ERBB4: variants seen among roughly 807,000 people sequenced by gnomAD.
ERBB4 encodes the protein erb-b2 receptor tyrosine kinase 4, also known as receptor tyrosine-protein kinase erbB-4.
In ERBB4, 42 loss-of-function variants were observed where a neutral mutation model predicts 158.0. The observed-to-expected ratio is 0.27, with a 90% CI of 0.21 to 0.34. ERBB4 has a LOEUF of 0.34. ERBB4 is among the 10% of genes least tolerant of loss of function. ERBB4 has a pLI of 1.00. For synonymous variants in ERBB4, 583 were observed against 558.7 expected (o/e 1.04, Z -0.61); for missense variants, 1,333 against 1,624.1 (o/e 0.82, Z 3.08).
In ERBB4 at chr2:211,712,137, T is replaced by A; in HGVS notation, c.1037A>T (p.Gln346Leu). ...GTCAATGTTACTGGAATCCACAGTC[T>A]GAGCTGACATCAATGATCCTGTGCC... ...GIGTGSLMSA[Q>L]TVDSSNIDKF... The change falls in exon 9 of 28, where the codon CAG (glutamine) becomes CTG (leucine). Residue 346 changes from glutamine (Q) to leucine (L), a missense_variant. Physicochemically the swap from Gln to Leu is moderately radical, Grantham distance 113. Around this residue, in one of 5 missense-constraint regions of ERBB4, gnomAD observed 438 missense variants for 586.9 expected, o/e 0.75. Coordinates refer to ENST00000342788, the MANE Select transcript of ERBB4 (RefSeq NM_005235.3). The A allele has an allele frequency of 1.2e-6, 2 of 1,613,230 alleles. No homozygotes were observed. Among genetic ancestry groups the A allele is most frequent in the Non-Finnish European group, 1.7e-6 (2 of 1,179,232 alleles).
chr2:211,835,819 G>A (rs1272155920), intron 3 of ERBB4, among the ~76,000 whole-genome samples: 1 of 151,974 alleles, frequency 6.6e-6, no homozygotes, highest in Non-Finnish European at 1.5e-5. Context: ...AGCAAATATT[G>A]ATACAAGTGA....
At chr2:211,803,199 A>G (rs2076538857) in intron 3 of ERBB4, among the ~76,000 whole-genome samples, 2 of 152,214 alleles carry the variant, frequency 1.3e-5, no homozygotes, top group African/African-American at 2.4e-5. Context: ...CTAATCCAAC[A>G]TTGCTTTTCA....
intron 1 of ERBB4, among the ~76,000 whole-genome samples, chr2:212,346,919 C>A (rs1309811174): frequency 6.6e-6 from 1 of 152,068 alleles, no homozygotes; most frequent in East Asian, 1.9e-4. Flanking sequence ...AAATATTTTT[C>A]TAGGCACTTT....
intron 2 of ERBB4, among the ~76,000 whole-genome samples, chr2:212,063,248 T>C (rs984578777): frequency 6.6e-6 from 1 of 152,042 alleles, no homozygotes; most frequent in African/African-American, 2.4e-5. Context: ...TAGAAACAGA[T>C]GATTTAGAAC....
intron 3 of ERBB4, among the ~76,000 whole-genome samples, chr2:211,880,061 T>A (rs1428153048): frequency 6.6e-6 from 1 of 151,626 alleles, no homozygotes; most frequent in African/African-American, 2.4e-5. Context: ...TGAAAATAAT[T>A]TTCACATATT....
At chr2:212,390,245 T>A (rs1342774223) in intron 1 of ERBB4, among the ~76,000 whole-genome samples, 1 of 151,926 alleles carries the variant, frequency 6.6e-6, no homozygotes, top group Non-Finnish European at 1.5e-5. Flanking sequence ...ATTAAGGATT[T>A]GTACATTGTA....
intron 25 of ERBB4, among the ~76,000 whole-genome samples, chr2:211,419,509 TC>T (rs2063468948): frequency 6.6e-6 from 1 of 152,082 alleles, no homozygotes; most frequent in Non-Finnish European, 1.5e-5. Context: ...AGAATTATCT[TC>T]TAGAAAAAAT....
At chr2:211,714,743 G>A (rs900496513) in intron 7 of ERBB4, among the ~76,000 whole-genome samples, 1 of 152,176 alleles carries the variant, frequency 6.6e-6, no homozygotes, top group Non-Finnish European at 1.5e-5. Context: ...TGCCTATCAT[G>A]AACAGGGTTT....
chr2:212,412,995 T>A (rs1035625024), intron 1 of ERBB4, among the ~76,000 whole-genome samples: 1 of 151,960 alleles, frequency 6.6e-6, no homozygotes, highest in African/African-American at 2.4e-5. Flanking sequence ...TGAGACAGAG[T>A]CTCGTTCTGT....
At chr2:212,396,966 GAAC>G (rs2091045824) in intron 1 of ERBB4, among the ~76,000 whole-genome samples, 1 of 151,886 alleles carries the variant, frequency 6.6e-6, no homozygotes, top group Non-Finnish European at 1.5e-5. Flanking sequence ...TGTTTTCAAA[GAAC>G]AATAAATGTA....
At chr2:212,425,873 G>A (rs2091902086) in intron 1 of ERBB4, among the ~76,000 whole-genome samples, 1 of 151,776 alleles carries the variant, frequency 6.6e-6, no homozygotes, top group Admixed American at 6.6e-5. Flanking sequence ...TCATTTTGTT[G>A]TACCTATCCA....
chr2:211,843,040 C>T (rs748232883), intron 3 of ERBB4, among the ~76,000 whole-genome samples: 11 of 152,074 alleles, frequency 7.2e-5, no homozygotes, highest in Non-Finnish European at 1.3e-4. Flanking sequence ...CTCATACAGG[C>T]AAAAGCACTA....
chr2:211,689,946 T>C (rs1559422007), intron 12 of ERBB4, among the ~76,000 whole-genome samples: 1 of 151,172 alleles, frequency 6.6e-6, no homozygotes, highest in Admixed American at 6.6e-5. Context: ...TGTTTTCTTT[T>C]TTTAATATGT....
At chr2:211,992,800 G>C (rs1224989090) in intron 2 of ERBB4, among the ~76,000 whole-genome samples, 1 of 152,158 alleles carries the variant, frequency 6.6e-6, no homozygotes, top group Non-Finnish European at 1.5e-5. Context: ...GTGTTGCAGA[G>C]GAGGAGAAAC....
At chr2:211,514,219 G>C (rs1363417441) in intron 20 of ERBB4, among the ~76,000 whole-genome samples, 5 of 152,004 alleles carry the variant, frequency 3.3e-5, no homozygotes, top group Non-Finnish European at 4.4e-5. Flanking sequence ...CCACATATTA[G>C]AGCGAACACT....
chr2:212,073,355 C>A (rs1332128469), intron 2 of ERBB4, among the ~76,000 whole-genome samples: 1 of 151,880 alleles, frequency 6.6e-6, no homozygotes, highest in Non-Finnish European at 1.5e-5. Context: ...GAAGACATAG[C>A]TAGAATGGAG....
chr2:212,458,117 C>G (rs898413620), intron 1 of ERBB4, among the ~76,000 whole-genome samples: 1 of 151,910 alleles, frequency 6.6e-6, no homozygotes, highest in East Asian at 1.9e-4. Context: ...TATTAGATAC[C>G]TACTATGTGT....
intron 4 of ERBB4, among the ~76,000 whole-genome samples, chr2:211,773,637 TATATATATATA>T (rs1457433558): frequency 0.022 from 2,027 of 91,720 alleles, 69 homozygotes; most frequent in East Asian, 0.075. Flanking sequence ...TATATATATA[TATATATATATA>T]ATATATATAC....
intron 20 of ERBB4, chr2:211,535,589 ATGTGTGTGTGTGTGTG>A (rs10636668): frequency 6.9e-6 from 1 of 144,732 alleles, no homozygotes; most frequent in Non-Finnish European, 1.6e-5. Flanking sequence ...GAGAGAGTGT[ATGTGTGTGTGTGTGTG>A]TGTGTGTGTC....
Sources: allele counts gnomAD v4.1 joint callset (sites outside exome capture counted in the v4.1 genomes callset), GRCh38; gene constraint gnomAD v4.1.1; regional missense constraint gnomAD v4.1.1; transcripts MANE v1.5; gene names NCBI Gene and HGNC (gene_info 2026-07-23, HGNC 2026-07-21).